TXNDC12: variants seen among roughly 807,000 people sequenced by gnomAD.
TXNDC12 encodes the protein thioredoxin domain-containing protein 12.
Under a neutral mutation model 24.2 loss-of-function variants are expected in TXNDC12, and 22 were observed. The observed-to-expected ratio is 0.91, with a 90% CI of 0.65 to 1.30. The LOEUF (loss-of-function observed/expected upper bound fraction) is 1.30. Ranked by LOEUF, TXNDC12 falls within the 50% of genes most tolerant of loss-of-function variation. The probability of loss-of-function intolerance (pLI) is 0.00; values close to 1 mark genes in which losing one functional copy is unlikely to be tolerated. For missense variants in TXNDC12, 184 were observed against 205.8 expected (o/e 0.89, Z 0.65); for synonymous variants, 58 against 73.4 (o/e 0.79, Z 1.07).
chr1:52,024,552 A>G lies in TXNDC12; in HGVS notation c.313T>C (p.Phe105Leu). Reference protein sequence around the residue: ...EDEEEPKDEDFSPDGGYIPRI... With the variant: ...EDEEEPKDEDLSPDGGYIPRI... ...GGAATATAACCCCCGTCAGGGCTGA[A>G]ATCTTCATCTTTGGGTTCCTCTTCA... The change falls in exon 5 of 7, where the codon TTC (phenylalanine) becomes CTC (leucine). Residue 105 changes from phenylalanine (F) to leucine (L), a missense_variant. Coordinates refer to ENST00000371626, the MANE Select transcript of TXNDC12 (RefSeq NM_015913.4). 6.2e-7 allele frequency: 1 copy of G among 1,612,718 alleles called. No individual in the cohort carries two copies. Among genetic ancestry groups the G allele is most frequent in the Non-Finnish European group, 8.5e-7 (1 of 1,179,162 alleles).
rs1042786288 is a variant in TXNDC12 at position 52,020,832 on chromosome 1, T to A, written c.*101A>T. ...TTCCAGTGTAGGTAGGAATGAGGTT[T>A]CCTGGTCGGCTTAATTGTTCTAGAT... On this transcript the variant is annotated 3_prime_UTR_variant, in exon 7 of 7. Coordinates refer to ENST00000371626, the MANE Select transcript of TXNDC12 (RefSeq NM_015913.4). 1.6e-5 allele frequency: 16 copies of A among 973,440 alleles called. No homozygotes were observed. In the African/African-American group the frequency reaches 2.3e-4, roughly 14 times the overall value. The allele number at this position is 973,440 out of a possible 1,614,324, so 60.3% of individuals were successfully genotyped here.
chr1:52,020,975 C>T lies in TXNDC12; in HGVS notation c.477G>A (p.Thr159=), dbSNP rs372294475. The change falls in exon 7 of 7, where the codon ACG becomes ACA. Residue 159 remains threonine (T), a synonymous_variant. Coordinates refer to ENST00000371626, the MANE Select transcript of TXNDC12 (RefSeq NM_015913.4). ...GATGTTTCTTTCTGAAGGCATCACC[C>T]GTCAGCCTTTCCTGAGCTTCCTTCA... ...QGMKEAQERL[T]GDAFRKKHLE... 62 of 1,614,018 alleles carry T rather than the reference C, an allele frequency of 3.8e-5. No homozygotes were observed. The highest frequency in any genetic ancestry group is 5.0e-5 in the Non-Finnish European group (59 of 1,179,986).
chr1:52,042,062 C>T (rs1256573860), intron 1 of TXNDC12, among the ~76,000 whole-genome samples: 1 of 152,146 alleles, frequency 6.6e-6, no homozygotes, highest in African/African-American at 2.4e-5. Flanking sequence ...CTCCAAGTCC[C>T]AATTTCTTTC....
At chr1:52,046,148 G>T (rs1487278566) in intron 1 of TXNDC12, among the ~76,000 whole-genome samples, 1 of 151,540 alleles carries the variant, frequency 6.6e-6, no homozygotes, top group Non-Finnish European at 1.5e-5. Flanking sequence ...GTAGTGAGCT[G>T]TGATTGCCCC....
intron 3 of TXNDC12, 88 bp from the exon 4 acceptor site, chr1:52,027,436 G>A (rs1405500271): frequency 8.7e-6 from 9 of 1,031,438 alleles, no homozygotes; most frequent in Non-Finnish European, 1.3e-5. Context: ...ATTTCTCTTT[G>A]GTAGTTTAGG....
chr1:52,020,292 C>A lies in TXNDC12; in HGVS notation c.*641G>T. ...GTAACAAGGGAAAGCATGCTTCCAC[C>A]TGGAGCCGAGTCCAAGCACACAGCC... is the stretch of plus-strand genomic sequence containing the variant. On this transcript the variant is annotated 3_prime_UTR_variant, in exon 7 of 7. Transcript: ENST00000371626. The A allele has an allele frequency of 2.6e-6, 1 of 383,436 alleles. No homozygotes were observed. Among genetic ancestry groups the A allele is most frequent in the South Asian group, 3.0e-5 (1 of 33,220 alleles). 23.8% of individuals were successfully genotyped at this position (383,436 alleles called of 1,614,324 possible).
chr1:52,028,719 G>T (rs1488464523), intron 2 of TXNDC12, 89 bp from the exon 3 acceptor site: 4 of 988,866 alleles, frequency 4.0e-6, no homozygotes, highest in Non-Finnish European at 6.2e-6. Context: ...CATTTCTGTA[G>T]TATTATTTCA....
At chr1:52,055,271 C>T (rs1473284480), upstream of TXNDC12, 1 of 589,206 alleles carries the variant, frequency 1.7e-6, no homozygotes. Flanking sequence ...CTCCGGGGTC[C>T]GGTTTGGGAT....
rs1558000939 is a variant in TXNDC12, at chr1:52,055,004, T to A, written c.93A>T (p.Gly31=). ...AAGATAAGAACGCGGTCTGACCCTT[T>A]CCAAGCCCATTATGTCCATCAGAAG... The part of the protein sequence containing the change: ...VISSDGHNGL[G]KGFGDHIHWR... The change falls in exon 1 of 7, where the codon GGA becomes GGT. Residue 31 remains glycine (G), a synonymous_variant. Coordinates refer to ENST00000371626, the MANE Select transcript of TXNDC12 (RefSeq NM_015913.4). 1 of 1,613,168 alleles carries A rather than the reference T, an allele frequency of 6.2e-7. No homozygotes were observed. The highest frequency in any genetic ancestry group is 1.7e-5 in the Admixed American group (1 of 59,998).
intron 2 of TXNDC12, chr1:52,032,100 C>T: frequency 1.1e-6 from 1 of 937,684 alleles, no homozygotes; most frequent in Non-Finnish European, 1.3e-6. Context: ...AAAGAGATTC[C>T]AGTAGACTAT....
At chr1:52,027,904 C>A (rs1159039634) in intron 3 of TXNDC12, among the ~76,000 whole-genome samples, 7 of 151,968 alleles carry the variant, frequency 4.6e-5, no homozygotes, top group African/African-American at 9.7e-5. Flanking sequence ...ACGATCTCAG[C>A]TCACTGCAAC....
chr1:52,034,443 A>G (rs1685843897), intron 2 of TXNDC12, among the ~76,000 whole-genome samples: 1 of 152,226 alleles, frequency 6.6e-6, no homozygotes, highest in African/African-American at 2.4e-5. Flanking sequence ...TCTCCTTAGT[A>G]GGGTTGCCAG....
intron 2 of TXNDC12, chr1:52,033,453 G>A (rs1685817983): frequency 1.2e-6 from 2 of 1,613,114 alleles, no homozygotes; most frequent in Non-Finnish European, 1.7e-6. Context: ...AGTAGACCAG[G>A]CAGAGCGGGG....
At chr1:52,022,523 G>T (rs1685611909) in intron 6 of TXNDC12, among the ~76,000 whole-genome samples, 1 of 151,902 alleles carries the variant, frequency 6.6e-6, no homozygotes, top group Non-Finnish European at 1.5e-5. Flanking sequence ...ACTCTATGTT[G>T]GGCTACATTC....
At chr1:52,055,384 C>A, upstream of TXNDC12, 1 of 410,958 alleles carries the variant, frequency 2.4e-6, no homozygotes, top group Non-Finnish European at 4.6e-6. Context: ...CGGGACGGAG[C>A]GGGAAAATGT....
rs570596582 is a variant in TXNDC12 at position 52,024,504 on chromosome 1, C to T, written c.355+6G>A. On this transcript the variant is annotated splice_donor_region_variant and intron_variant, in intron 5 of 6. Transcript: ENST00000371626. Reference sequence around the variant, plus strand: ...TGGATTCCCAGGTTAAGATCATGTGCCTTACCCAGAAAAAGGATTCGTGGA... The same window carrying T: ...TGGATTCCCAGGTTAAGATCATGTGTCTTACCCAGAAAAAGGATTCGTGGA... 16 of 1,608,430 alleles carry T rather than the reference C, an allele frequency of 9.9e-6. No individual in the cohort carries two copies. Among genetic ancestry groups the T allele is most frequent in the South Asian group, 9.9e-5 (9 of 90,658 alleles).
intron 6 of TXNDC12, 174 bp downstream of exon 6, chr1:52,023,317 A>C: frequency 2.0e-6 from 1 of 498,290 alleles, no homozygotes; most frequent in Non-Finnish European, 3.6e-6. Flanking sequence ...TTCCAAGGGA[A>C]GGGGCTCAGT....
chr1:52,023,680 T>C lies in TXNDC12; in HGVS notation c.356-106A>G, dbSNP rs1571997052. The C allele has an allele frequency of 1.1e-4, 87 of 817,202 alleles. No homozygotes were observed. The East Asian group carries it at 2.2e-3, about 21-fold the overall frequency. The allele number at this position is 817,202 out of a possible 1,614,324, so 50.6% of individuals were successfully genotyped here. On this transcript the variant is annotated intron_variant, in intron 5 of 6. Transcript: ENST00000371626. ...CTCTGGGAAATAAGATCTGCCCATA[T>C]TTGCAGCCCATTACCTCACCATAAT...
At chr1:52,033,192 C>T in intron 2 of TXNDC12, 5 of 1,614,202 alleles carry the variant, frequency 3.1e-6, no homozygotes, top group African/African-American at 1.3e-5. Flanking sequence ...TCTCTGAATC[C>T]GGAGTCACAA....
Sources: allele counts gnomAD v4.1 joint callset (sites outside exome capture counted in the v4.1 genomes callset), GRCh38; gene constraint gnomAD v4.1.1; transcripts MANE v1.5; gene names NCBI Gene and HGNC (gene_info 2026-07-23, HGNC 2026-07-21).